The following SNURF variants were observed in gnomAD, a reference collection of about 807,000 sequenced individuals.
SNURF encodes SNRPN upstream open reading frame.
Under a neutral mutation model 11.6 loss-of-function variants are expected in SNURF, and 6 were observed. The observed-to-expected ratio is 0.52, with a 90% CI of 0.28 to 1.02. The LOEUF is 1.02. Among genes scored for constraint, SNURF ranks in the 50% least tolerant of loss-of-function variants. SNURF has a pLI of 0.09. For synonymous variants in SNURF, 29 were observed against 31.6 expected (o/e 0.92, Z 0.27); for missense variants, 84 against 88.4 (o/e 0.95, Z 0.20).
downstream of SNURF, among the ~76,000 whole-genome samples, chr15:24,972,493 A>G (rs1424079024): frequency 6.6e-6 from 1 of 151,320 alleles, no homozygotes; most frequent in Non-Finnish European, 1.5e-5. Context: ...TTTAATGTAC[A>G]GACATCAGAT....
At chr15:24,974,529 A>G in intron 3 of SNURF, 1 of 1,408,004 alleles carries the variant, frequency 7.1e-7, no homozygotes, top group Non-Finnish European at 1.0e-6. Context: ...CAGCATGTGC[A>G]GTGATCTTGG....
At chr15:24,969,806 G>A (rs1202467617), downstream of SNURF, among the ~76,000 whole-genome samples, 2 of 152,124 alleles carry the variant, frequency 1.3e-5, no homozygotes, top group Non-Finnish European at 2.9e-5. Context: ...AGAAGGGTTG[G>A]TAATATATCT....
downstream of SNURF, chr15:24,977,853 A>G (rs773523359): frequency 2.5e-6 from 4 of 1,613,728 alleles, no homozygotes; most frequent in African/African-American, 2.7e-5. Context: ...TGGAGCCCCA[A>G]CACAGTACCC....
At chr15:24,955,855 C>T (rs1008283290) in intron 1 of SNURF, among the ~76,000 whole-genome samples, 14 of 150,734 alleles carry the variant, frequency 9.3e-5, no homozygotes, top group Admixed American at 4.0e-4. Flanking sequence ...GGCATGGAGG[C>T]GGTGGGCATG....
chr15:24,967,894 T>A (rs1258146794), intron 2 of SNURF, 38 bp from the exon 3 acceptor site: 1 of 1,541,076 alleles, frequency 6.5e-7, no homozygotes, highest in Non-Finnish European at 9.0e-7. Flanking sequence ...AAGACAAATG[T>A]ATTTTTATCA....
At chr15:24,967,803 G>C in intron 2 of SNURF, 129 bp from the exon 3 acceptor site, 1 of 752,698 alleles carries the variant, frequency 1.3e-6, no homozygotes, top group East Asian at 3.0e-5. Context: ...ATGAGACCCT[G>C]TCTGGAAAAA....
chr15:24,964,037 GAAA>G (rs577352737), intron 2 of SNURF, among the ~76,000 whole-genome samples: 1 of 149,818 alleles, frequency 6.7e-6, no homozygotes. Flanking sequence ...GTCTCAAAAA[GAAA>G]AAAAAAGTTG....
intron 2 of SNURF, chr15:24,967,097 A>G (rs1277731678): frequency 6.6e-6 from 1 of 152,184 alleles, no homozygotes; most frequent in East Asian, 1.9e-4. Flanking sequence ...CTTTAGCAGC[A>G]TCTCCCTCCC....
chr15:24,977,437 G>A (rs565074398), intron 6 of SNURF, among the ~76,000 whole-genome samples: 3 of 152,204 alleles, frequency 2.0e-5, no homozygotes, highest in Admixed American at 6.5e-5. Context: ...TCAGGAGTTC[G>A]ACACCAGCCC....
At chr15:24,976,894 AC>A in exon 6 of SNURF, 1 of 1,608,362 alleles carries the variant, frequency 6.2e-7, no homozygotes, top group Non-Finnish European at 8.5e-7. Flanking sequence ...TTGCTCGGGT[AC>A]CACTTGCTGG....
chr15:24,961,244 G>T (rs2074756633), intron 1 of SNURF, among the ~76,000 whole-genome samples: 1 of 152,098 alleles, frequency 6.6e-6, no homozygotes, highest in South Asian at 2.1e-4. Flanking sequence ...ACTCTTGAAA[G>T]AATAAAACAG....
chr15:24,967,775 T>C (rs1437236435), intron 2 of SNURF, among the ~76,000 whole-genome samples, 157 bp from the exon 3 acceptor site: 2 of 135,542 alleles, frequency 1.5e-5, no homozygotes, highest in African/African-American at 5.7e-5. Flanking sequence ...TTCATTGCAC[T>C]CCAGCCTGGG....
chr15:24,974,504 A>G lies in SNURF; in HGVS notation c.*46-854A>G. On this transcript the variant is annotated intron_variant and NMD_transcript_variant, in intron 3 of 6. Transcript: ENST00000580062. ...GGGTTGAAATGTGCTGTAAGGGCCG[A>G]AAGAAATAGTTTGCCAGCATGTGCA... 1.9e-6 allele frequency: 3 copies of G among 1,593,486 alleles called. No individual in the cohort carries two copies. In the South Asian group the frequency reaches 3.3e-5, roughly 18 times the overall value.
chr15:24,972,418 G>A (rs1004493003), downstream of SNURF, among the ~76,000 whole-genome samples: 1 of 151,974 alleles, frequency 6.6e-6, no homozygotes, highest in African/African-American at 2.4e-5. Flanking sequence ...AATTTTTGTG[G>A]AGGTCTTTGT....
chr15:24,957,550 A>C (rs1442410605), intron 1 of SNURF, among the ~76,000 whole-genome samples: 2 of 152,196 alleles, frequency 1.3e-5, no homozygotes, highest in East Asian at 1.9e-4. Context: ...CAGGATTTTC[A>C]GTGCTTGCCT....
At chr15:24,972,778 G>GATT (rs1372987683), downstream of SNURF, among the ~76,000 whole-genome samples, 1 of 139,606 alleles carries the variant, frequency 7.2e-6, no homozygotes, top group Admixed American at 7.3e-5. Context: ...ATGCATGCTT[G>GATT]ATTACGGTCA....
chr15:24,970,500 A>G (rs987674177), downstream of SNURF, among the ~76,000 whole-genome samples: 2 of 151,968 alleles, frequency 1.3e-5, no homozygotes, highest in African/African-American at 4.8e-5. Context: ...AATTTCTTGA[A>G]CCCTAGGGGC....
intron 3 of SNURF, chr15:24,974,516 T>G (rs1387506810): frequency 1.1e-5 from 16 of 1,506,838 alleles, no homozygotes; most frequent in Admixed American, 1.7e-5. Context: ...AGAAATAGTT[T>G]GCCAGCATGT....
At position 24,955,063 on chromosome 15, in the gene SNURF, G is replaced by A; in HGVS notation, c.14+1G>A. On this transcript the variant is annotated splice_donor_variant, in intron 1 of 2. Coordinates refer to ENST00000577949, the Ensembl canonical transcript of SNURF. LOFTEE classifies it high-confidence loss of function. Reference sequence around the variant, plus strand: ...TCAGTGACGCGATGGAGCGGGCAAGGTCAGCTGTGCCGGTGGCTTCTCTCA... The same window carrying A: ...TCAGTGACGCGATGGAGCGGGCAAGATCAGCTGTGCCGGTGGCTTCTCTCA... The A allele has an allele frequency of 6.2e-7, 1 of 1,613,528 alleles. No homozygotes were observed. The highest frequency in any genetic ancestry group is 8.5e-7 in the Non-Finnish European group (1 of 1,180,028).
Sources: allele counts gnomAD v4.1 joint callset (sites outside exome capture counted in the v4.1 genomes callset), GRCh38; gene constraint gnomAD v4.1.1; transcripts MANE v1.5; gene names NCBI Gene and HGNC (gene_info 2026-07-23, HGNC 2026-07-21).